Variants in PTPN4 observed in about 807,000 individuals in gnomAD.
PTPN4 encodes the protein tyrosine-protein phosphatase non-receptor type 4.
A neutral mutation model predicts 135.5 loss-of-function variants in PTPN4; 49 were observed. The ratio of observed to expected loss-of-function variants is 0.36; its 90% CI spans 0.29 to 0.46. The LOEUF (loss-of-function observed/expected upper bound fraction) is 0.46, where lower values mean the gene tolerates loss of function less well. Ranked by LOEUF, PTPN4 falls within the 20% of genes least tolerant of loss-of-function variation. The probability of loss-of-function intolerance (pLI) is 1.00; values close to 1 mark genes in which losing one functional copy is unlikely to be tolerated. For synonymous variants in PTPN4, 333 were observed against 369.9 expected, an observed-to-expected ratio of 0.90 and a Z score of 1.14; for missense variants, 860 against 1,101.0, an observed-to-expected ratio of 0.78 and a Z score of 3.10.
rs536273409 is a variant in PTPN4, at chr2:119,762,341, CT to C, written c.-18+1967del. Among the ~76,000 whole-genome samples, 115 of 147,364 alleles carry C rather than the reference CT, an allele frequency of 7.8e-4. 1 individual carries two copies. The highest frequency in any genetic ancestry group is 5.1e-3 in the South Asian group (24 of 4,668). ...TGAGATGGTAATAAAAACTTTTCAGCTTTTTTTTTTAACTTGTATGACTTCG... is the reference window on the plus strand; with the variant it reads ...TGAGATGGTAATAAAAACTTTTCAGCTTTTTTTTTAACTTGTATGACTTCG... On this transcript the variant is annotated intron_variant, in intron 1 of 26. Coordinates refer to ENST00000263708, the MANE Select transcript of PTPN4 (RefSeq NM_002830.4).
intron 3 of PTPN4, among the ~76,000 whole-genome samples, chr2:119,875,231 G>C (rs577821995): frequency 1.8e-4 from 28 of 152,200 alleles, no homozygotes; most frequent in Admixed American, 5.9e-4. Flanking sequence ...GCTTGTTATA[G>C]CACTGTTCCA....
At chr2:119,959,144 T>G (rs907081382) in intron 22 of PTPN4, among the ~76,000 whole-genome samples, 2 of 152,056 alleles carry the variant, frequency 1.3e-5, no homozygotes, top group African/African-American at 4.8e-5. Flanking sequence ...TGCAGCTGTT[T>G]TGAGGGTTAT....
chr2:119,863,968 A>C (rs994644308), intron 3 of PTPN4, among the ~76,000 whole-genome samples: 2 of 152,256 alleles, frequency 1.3e-5, no homozygotes, highest in African/African-American at 4.8e-5. Context: ...AAGGGTCAGA[A>C]TGTAGTTTAA....
chr2:119,881,346 C>T (rs758480998), intron 5 of PTPN4, among the ~76,000 whole-genome samples: 3 of 152,198 alleles, frequency 2.0e-5, no homozygotes, highest in African/African-American at 4.8e-5. Flanking sequence ...ATGATCAAAA[C>T]GCTGGCCTGT....
At chr2:119,806,574 A>C (rs1691473940) in intron 1 of PTPN4, among the ~76,000 whole-genome samples, 1 of 152,328 alleles carries the variant, frequency 6.6e-6, no homozygotes, top group East Asian at 1.9e-4. Flanking sequence ...GAGATTCATA[A>C]AACAAGTCCT....
rs573615096 is a variant in PTPN4, at chr2:119,877,307, T to C, written c.247-16T>C. On this transcript the variant is annotated splice_polypyrimidine_tract_variant and intron_variant, in intron 3 of 26. Coordinates refer to ENST00000263708, the MANE Select transcript of PTPN4 (RefSeq NM_002830.4). ...TCAAGGAAAAAAGAAATCAGTTTTA[T>C]TTATTTATTTTTCAGAGGTGGCTGG... 1.2e-5 allele frequency: 19 copies of C among 1,605,746 alleles called. 1 individual carries two copies. In the South Asian group the frequency reaches 2.0e-4, roughly 17 times the overall value.
chr2:119,787,096 C>T (rs959741070), intron 1 of PTPN4, among the ~76,000 whole-genome samples: 2 of 152,000 alleles, frequency 1.3e-5, no homozygotes, highest in African/African-American at 2.4e-5. Flanking sequence ...TGGGTGCACA[C>T]GTGTGCATGT....
chr2:119,941,951 G>A (rs2105044852), intron 15 of PTPN4, among the ~76,000 whole-genome samples: 2 of 152,286 alleles, frequency 1.3e-5, no homozygotes, highest in Middle Eastern at 3.4e-3. Flanking sequence ...TTTATACAGT[G>A]TTTGACAACT....
chr2:119,802,187 G>A (rs1019468686), intron 1 of PTPN4, among the ~76,000 whole-genome samples: 2 of 152,130 alleles, frequency 1.3e-5, no homozygotes, highest in African/African-American at 4.8e-5. Flanking sequence ...ACCGGCCACC[G>A]TGCCCGGCGC....
intron 3 of PTPN4, among the ~76,000 whole-genome samples, chr2:119,863,341 T>C (rs1677787751): frequency 6.6e-6 from 1 of 152,128 alleles, no homozygotes; most frequent in Admixed American, 6.5e-5. Flanking sequence ...ATTGAATTCT[T>C]TGTAAATTTA....
At chr2:119,771,691 C>T (rs990261439) in intron 1 of PTPN4, 4 of 152,188 alleles carry the variant, frequency 2.6e-5, no homozygotes, top group African/African-American at 9.6e-5. Flanking sequence ...TAGCGAGTTT[C>T]CCTCTTCTCC....
At chr2:119,919,931 A>T in intron 11 of PTPN4, 138 bp from the exon 12 acceptor site, 1 of 1,123,050 alleles carries the variant, frequency 8.9e-7, no homozygotes, top group East Asian at 3.1e-5. Context: ...TAGATAAAAG[A>T]TCCCATAGGT....
intron 2 of PTPN4, among the ~76,000 whole-genome samples, chr2:119,822,425 C>A (rs1677083085): frequency 7.8e-6 from 1 of 128,636 alleles, no homozygotes; most frequent in Admixed American, 9.2e-5. Context: ...GTGGCGTGAT[C>A]TCAGCTCACT....
intron 1 of PTPN4, among the ~76,000 whole-genome samples, chr2:119,807,300 G>T (rs974615515): frequency 1.3e-5 from 2 of 152,030 alleles, no homozygotes; most frequent in African/African-American, 4.8e-5. Flanking sequence ...CTGGTTTTTT[G>T]AAAAGATCAA....
At chr2:119,957,416 A>G (rs1679304378) in intron 22 of PTPN4, among the ~76,000 whole-genome samples, 1 of 152,128 alleles carries the variant, frequency 6.6e-6, no homozygotes, top group African/African-American at 2.4e-5. Flanking sequence ...GCCATGGACC[A>G]GTAATTGTCT....
intron 2 of PTPN4, among the ~76,000 whole-genome samples, chr2:119,844,366 C>T (rs888804785): frequency 1.4e-5 from 2 of 146,998 alleles, no homozygotes; most frequent in Non-Finnish European, 3.0e-5. Context: ...CCCCCCACCT[C>T]CCTCCCGGAC....
At chr2:119,766,474 GTGTGTGTGT>G (rs1558718973) in intron 1 of PTPN4, among the ~76,000 whole-genome samples, 1 of 131,370 alleles carries the variant, frequency 7.6e-6, no homozygotes, top group African/African-American at 3.6e-5. Flanking sequence ...GTGTGTGTGT[GTGTGTGTGT>G]CTGTGTGTGT....
chr2:119,881,486 A>C (rs1373362174), intron 5 of PTPN4, among the ~76,000 whole-genome samples: 1 of 152,104 alleles, frequency 6.6e-6, no homozygotes, highest in Non-Finnish European at 1.5e-5. Flanking sequence ...GCATATACCA[A>C]CCCTCAAGAG....
intron 1 of PTPN4, among the ~76,000 whole-genome samples, chr2:119,808,703 C>T (rs1162721671): frequency 3.9e-5 from 6 of 152,128 alleles, no homozygotes; most frequent in Admixed American, 3.3e-4. Flanking sequence ...CAGTCATGAG[C>T]CACTTCACCC....
Sources: gnomAD v4.1 joint callset for allele counts (sites outside exome capture counted in the v4.1 genomes callset) on GRCh38, gnomAD v4.1.1 for gene constraint, MANE v1.5 for transcripts, NCBI Gene and HGNC (gene_info 2026-07-23, HGNC 2026-07-21) for gene names.